SCFD2: variants seen among roughly 807,000 people sequenced by gnomAD.
The protein encoded by SCFD2 is sec1 family domain containing 2.
Under a neutral mutation model 58.9 loss-of-function variants are expected in SCFD2, and 54 were observed. The ratio of observed to expected loss-of-function variants is 0.92; its 90% CI spans 0.74 to 1.15. The LOEUF (loss-of-function observed/expected upper bound fraction) is 1.15, where lower values mean the gene tolerates loss of function less well. Among genes scored for constraint, SCFD2 ranks in the 50% most tolerant of loss-of-function variants. SCFD2 has a pLI of 0.00. For missense variants in SCFD2, 805 were observed against 836.6 expected, an observed-to-expected ratio of 0.96 and a Z score of 0.47; for synonymous variants, 321 against 335.9, an observed-to-expected ratio of 0.96 and a Z score of 0.49.
At chr4:53,105,847 G>C (rs1439764287) in intron 5 of SCFD2, among the ~76,000 whole-genome samples, 3 of 152,178 alleles carry the variant, frequency 2.0e-5, no homozygotes, top group African/African-American at 7.2e-5. Context: ...CTAAGGGACA[G>C]ACTGCCTCCT....
At chr4:53,316,513 T>C (rs375789074) in intron 2 of SCFD2, among the ~76,000 whole-genome samples, 8 of 152,336 alleles carry the variant, frequency 5.3e-5, no homozygotes, top group African/African-American at 1.9e-4. Context: ...ATGTAAGTTG[T>C]GTGGTGGTGG....
chr4:53,167,850 T>G (rs1319344918), intron 4 of SCFD2, among the ~76,000 whole-genome samples: 1 of 152,184 alleles, frequency 6.6e-6, no homozygotes, highest in African/African-American at 2.4e-5. Flanking sequence ...TCAAGGTTAA[T>G]TATGCTATAT....
At chr4:53,267,537 T>C (rs1176380370) in intron 4 of SCFD2, among the ~76,000 whole-genome samples, 1 of 152,190 alleles carries the variant, frequency 6.6e-6, no homozygotes, top group African/African-American at 2.4e-5. Context: ...AGTAGGATTT[T>C]AGTATTTTAA....
At chr4:53,016,576 C>T (rs1483745401) in intron 5 of SCFD2, among the ~76,000 whole-genome samples, 2 of 152,186 alleles carry the variant, frequency 1.3e-5, no homozygotes, top group East Asian at 3.8e-4. Context: ...GCTAGAACTC[C>T]TGAGCTCTTT....
At chr4:53,056,797 T>C (rs1248829731) in intron 5 of SCFD2, among the ~76,000 whole-genome samples, 1 of 152,076 alleles carries the variant, frequency 6.6e-6, no homozygotes, top group Non-Finnish European at 1.5e-5. Flanking sequence ...GGAAGAGGGA[T>C]AGGGGCACTG....
At chr4:53,159,895 C>T (rs1001275916) in intron 4 of SCFD2, among the ~76,000 whole-genome samples, 3 of 152,058 alleles carry the variant, frequency 2.0e-5, no homozygotes, top group African/African-American at 4.8e-5. Context: ...GTATGTATAC[C>T]TACCACTATA....
At chr4:52,920,700 G>T (rs747109278) in intron 6 of SCFD2, 25 bp downstream of exon 6, 1 of 1,516,904 alleles carries the variant, frequency 6.6e-7, no homozygotes, top group Non-Finnish European at 8.9e-7. Flanking sequence ...AGATTAGAAG[G>T]TTACTTTAAA....
intron 3 of SCFD2, among the ~76,000 whole-genome samples, chr4:53,309,359 G>C (rs1732616977): frequency 6.6e-6 from 1 of 152,210 alleles, no homozygotes; most frequent in African/African-American, 2.4e-5. Flanking sequence ...ATGGTGGTGA[G>C]TTTATAGGGC....
chr4:52,905,845 T>C (rs944508591), intron 7 of SCFD2, among the ~76,000 whole-genome samples: 1 of 152,212 alleles, frequency 6.6e-6, no homozygotes, highest in Non-Finnish European at 1.5e-5. Context: ...AGTGACACTC[T>C]TGTTTCATCA....
At chr4:53,230,837 CAGAT>C (rs1729415076) in intron 4 of SCFD2, among the ~76,000 whole-genome samples, 1 of 152,018 alleles carries the variant, frequency 6.6e-6, no homozygotes, top group Non-Finnish European at 1.5e-5. Flanking sequence ...TTCAATACCT[CAGAT>C]CTCTGAGGTA....
intron 5 of SCFD2, among the ~76,000 whole-genome samples, chr4:52,971,187 G>A (rs183527406): frequency 1.7e-3 from 258 of 152,302 alleles, no homozygotes; most frequent in African/African-American, 6.0e-3. Context: ...GACGAGCTGA[G>A]AGAAGAAGGC....
intron 8 of SCFD2, among the ~76,000 whole-genome samples, chr4:52,883,259 T>A (rs1345838231): frequency 6.6e-6 from 1 of 152,150 alleles, no homozygotes; most frequent in Admixed American, 6.5e-5. Flanking sequence ...TGTGTGTCTG[T>A]CAAGGTCTAA....
intron 4 of SCFD2, among the ~76,000 whole-genome samples, chr4:53,251,999 C>A (rs979580221): frequency 2.6e-5 from 4 of 152,146 alleles, no homozygotes; most frequent in African/African-American, 9.7e-5. Context: ...CATCTCAGCC[C>A]AAAATCTCCT....
chr4:52,894,454 C>A (rs1187352006), intron 7 of SCFD2, among the ~76,000 whole-genome samples: 1 of 152,160 alleles, frequency 6.6e-6, no homozygotes, highest in Non-Finnish European at 1.5e-5. Flanking sequence ...CAGAAATGCA[C>A]TTTAAAAGTG....
At chr4:53,363,398 C>T (rs1255739863) in intron 1 of SCFD2, among the ~76,000 whole-genome samples, 1 of 152,044 alleles carries the variant, frequency 6.6e-6, no homozygotes, top group Non-Finnish European at 1.5e-5. Context: ...GTCTGCCCCC[C>T]TCAGCCTCCC....
chr4:52,886,525 C>A (rs1718745675), intron 7 of SCFD2, among the ~76,000 whole-genome samples: 1 of 152,244 alleles, frequency 6.6e-6, no homozygotes, highest in Non-Finnish European at 1.5e-5. Context: ...ACAGGCTAAG[C>A]CAGTGCACAA....
chr4:53,111,854 G>T (rs1280865518), intron 5 of SCFD2, among the ~76,000 whole-genome samples: 1 of 152,086 alleles, frequency 6.6e-6, no homozygotes, highest in Non-Finnish European at 1.5e-5. Context: ...ATTATTGAGT[G>T]TATTAGGGAG....
intron 4 of SCFD2, among the ~76,000 whole-genome samples, chr4:53,173,163 C>T (rs902706153): frequency 6.6e-6 from 1 of 152,050 alleles, no homozygotes; most frequent in East Asian, 1.9e-4. Flanking sequence ...AGTACAGATG[C>T]CCCTTAACTT....
At chr4:53,245,136 AG>A (rs1052737899) in intron 4 of SCFD2, among the ~76,000 whole-genome samples, 1 of 152,056 alleles carries the variant, frequency 6.6e-6, no homozygotes, top group Non-Finnish European at 1.5e-5. Context: ...ACCAAAAAAA[AG>A]CCTGGGATCA....
Sources: gnomAD v4.1 joint callset for allele counts (sites outside exome capture counted in the v4.1 genomes callset) on GRCh38, gnomAD v4.1.1 for gene constraint, MANE v1.5 for transcripts, NCBI Gene and HGNC (gene_info 2026-07-23, HGNC 2026-07-21) for gene names.